Variants in SCGN observed in about 807,000 individuals in gnomAD.
The protein encoded by SCGN is secretagogin, EF-hand calcium binding protein, also known as secretagogin.
A neutral mutation model predicts 39.7 loss-of-function variants in SCGN; 30 were observed. The observed-to-expected ratio is 0.76, with a 90% CI of 0.57 to 1.03. SCGN has a LOEUF of 1.03. Ranked by LOEUF, SCGN falls within the 50% of genes least tolerant of loss-of-function variation. The pLI, the probability that SCGN is intolerant of heterozygous loss-of-function variation, is 0.00. For missense variants in SCGN, 353 were observed against 349.4 expected, an observed-to-expected ratio of 1.01 and a Z score of -0.08; for synonymous variants, 106 against 114.1, an observed-to-expected ratio of 0.93 and a Z score of 0.45.
At chr6:25,676,620 T>C (rs900980514) in intron 6 of SCGN, among the ~76,000 whole-genome samples, 2 of 152,258 alleles carry the variant, frequency 1.3e-5, no homozygotes, top group Admixed American at 1.3e-4. Context: ...TACTTGAGGC[T>C]TTCCATTTCC....
chr6:25,688,871 AGAGCTCTGG>A (rs1215351600), intron 7 of SCGN, among the ~76,000 whole-genome samples: 1 of 151,190 alleles, frequency 6.6e-6, no homozygotes, highest in Non-Finnish European at 1.5e-5. Flanking sequence ...ATTATTTTCC[AGAGCTCTGG>A]GAAAGTTATT....
At chr6:25,696,348 TGAATAATAGACATTACA>T (rs1759837556) in intron 10 of SCGN, among the ~76,000 whole-genome samples, 1 of 152,062 alleles carries the variant, frequency 6.6e-6, no homozygotes, top group Non-Finnish European at 1.5e-5. Context: ...GAGGTTATAG[TGAATAATAGACATTACA>T]ATATCATAGT....
chr6:25,669,915 A>T (rs1759472499), intron 5 of SCGN, 84 bp from the exon 6 acceptor site: 1 of 1,095,422 alleles, frequency 9.1e-7, no homozygotes, highest in Non-Finnish European at 1.4e-6. Flanking sequence ...CAAGCAACTC[A>T]CAATTCTTGA....
chr6:25,691,820 G>A (rs1054136536), intron 10 of SCGN, among the ~76,000 whole-genome samples: 2 of 152,132 alleles, frequency 1.3e-5, no homozygotes, highest in African/African-American at 2.4e-5. Context: ...CACAATGATT[G>A]TGTTCTGGTT....
At chr6:25,689,311 T>C (rs1406281702) in intron 8 of SCGN, 94 bp downstream of exon 8, 4 of 1,172,746 alleles carry the variant, frequency 3.4e-6, no homozygotes, top group Admixed American at 4.0e-5. Context: ...CTATTTGCCC[T>C]ACTTTTTAAC....
chr6:25,654,697 C>A (rs189976590), intron 2 of SCGN, among the ~76,000 whole-genome samples: 1 of 151,816 alleles, frequency 6.6e-6, no homozygotes, highest in Non-Finnish European at 1.5e-5. Flanking sequence ...TCTTTCTTTC[C>A]CATCTCTCTT....
At chr6:25,655,441 A>G (rs555844987) in intron 2 of SCGN, among the ~76,000 whole-genome samples, 111 of 152,318 alleles carry the variant, frequency 7.3e-4, no homozygotes, top group African/African-American at 2.3e-3. Flanking sequence ...CATCTCTTGC[A>G]GCTTGGCTGT....
chr6:25,684,537 G>T (rs1394367887), intron 7 of SCGN, among the ~76,000 whole-genome samples: 4 of 152,332 alleles, frequency 2.6e-5, no homozygotes, highest in Admixed American at 6.5e-5. Context: ...GCTCACACTT[G>T]TAATCCCAGC....
intron 10 of SCGN, among the ~76,000 whole-genome samples, chr6:25,700,265 T>C (rs1474839569): frequency 7.3e-6 from 1 of 136,652 alleles, no homozygotes; most frequent in East Asian, 2.0e-4. Flanking sequence ...AAAAAAAATT[T>C]TGGGCCAGTA....
chr6:25,661,066 T>A (rs1760327236), intron 2 of SCGN, among the ~76,000 whole-genome samples: 1 of 152,214 alleles, frequency 6.6e-6, no homozygotes, highest in African/African-American at 2.4e-5. Flanking sequence ...GGTCTCCTCT[T>A]TAATTATTTC....
intron 2 of SCGN, among the ~76,000 whole-genome samples, chr6:25,654,892 G>A (rs1374043361): frequency 6.6e-6 from 1 of 152,088 alleles, no homozygotes; most frequent in Non-Finnish European, 1.5e-5. Flanking sequence ...CTTTCCTCTG[G>A]TCAGACCACT....
At chr6:25,668,096 C>T (rs1759417723) in intron 4 of SCGN, among the ~76,000 whole-genome samples, 1 of 152,054 alleles carries the variant, frequency 6.6e-6, no homozygotes, top group Admixed American at 6.6e-5. Flanking sequence ...GTATCAACAC[C>T]TCCTACTATT....
At chr6:25,682,569 C>G (rs572021861) in intron 7 of SCGN, among the ~76,000 whole-genome samples, 1 of 152,304 alleles carries the variant, frequency 6.6e-6, no homozygotes, top group African/African-American at 2.4e-5. Flanking sequence ...TTTGTCAAGT[C>G]TGGCTGATCC....
chr6:25,700,869 C>A (rs1225627959), intron 10 of SCGN, among the ~76,000 whole-genome samples: 1 of 152,162 alleles, frequency 6.6e-6, no homozygotes, highest in Non-Finnish European at 1.5e-5. Context: ...CTCATCAGTG[C>A]AGCAAGGCAG....
intron 6 of SCGN, 86 bp downstream of exon 6, chr6:25,670,162 G>A (rs780356421): frequency 2.4e-5 from 23 of 944,714 alleles, no homozygotes; most frequent in East Asian, 7.2e-5. Context: ...TAGAGAGTTC[G>A]TCCTTGAGAA....
At chr6:25,698,699 G>C (rs1170099880) in intron 10 of SCGN, among the ~76,000 whole-genome samples, 1 of 152,154 alleles carries the variant, frequency 6.6e-6, no homozygotes, top group Non-Finnish European at 1.5e-5. Flanking sequence ...AGAACCTATT[G>C]ACAAGGTCGA....
In SCGN at chr6:25,670,161, C is replaced by T. The variant is rs530110025; in HGVS notation, c.471+85C>T. 7.4e-6 allele frequency: 7 copies of T among 946,946 alleles called. 1 individual carries two copies. Among genetic ancestry groups the T allele is most frequent in the South Asian group, 4.1e-5 (3 of 73,158 alleles). The allele number at this position is 946,946 out of a possible 1,614,324, so 58.7% of individuals were successfully genotyped here. On this transcript the variant is annotated intron_variant, in intron 6 of 10. Transcript: ENST00000377961. Reference sequence around the variant, plus strand: ...CAGAAACAGTGTCTGCTAGAGAGTTCGTCCTTGAGAAATTGAAGACTAAAT... The same window carrying T: ...CAGAAACAGTGTCTGCTAGAGAGTTTGTCCTTGAGAAATTGAAGACTAAAT...
chr6:25,674,145 A>G (rs553585109), intron 6 of SCGN, among the ~76,000 whole-genome samples: 2 of 152,306 alleles, frequency 1.3e-5, no homozygotes, highest in East Asian at 1.9e-4. Flanking sequence ...AACACTGGGC[A>G]TTACATTTCA....
At chr6:25,693,551 A>C (rs948503583) in intron 10 of SCGN, among the ~76,000 whole-genome samples, 37 of 152,196 alleles carry the variant, frequency 2.4e-4, no homozygotes, top group African/African-American at 8.4e-4. Flanking sequence ...TCATAAAAGG[A>C]ATCATCTGCT....
Sources: allele counts gnomAD v4.1 joint callset (sites outside exome capture counted in the v4.1 genomes callset), GRCh38; gene constraint gnomAD v4.1.1; transcripts MANE v1.5; gene names NCBI Gene and HGNC (gene_info 2026-07-23, HGNC 2026-07-21).